Variants in FILIP1 observed in about 807,000 individuals in gnomAD.
The protein encoded by FILIP1 is filamin A interacting protein 1, also known as filamin-A-interacting protein 1.
Under a neutral mutation model 102.1 loss-of-function variants are expected in FILIP1, and 61 were observed. The observed-to-expected ratio is 0.60, with a 90% CI of 0.49 to 0.74. The LOEUF (loss-of-function observed/expected upper bound fraction) is 0.74. FILIP1 is among the 30% of genes least tolerant of loss of function. The pLI is 0.00. For missense variants in FILIP1, 1,314 were observed against 1,441.2 expected, an observed-to-expected ratio of 0.91 and a Z score of 1.43; for synonymous variants, 491 against 526.9, an observed-to-expected ratio of 0.93 and a Z score of 0.93.
chr6:75,382,802 C>G (rs905680258), intron 2 of FILIP1, among the ~76,000 whole-genome samples: 4 of 152,156 alleles, frequency 2.6e-5, no homozygotes, highest in Non-Finnish European at 5.9e-5. Context: ...ACTGAATAGA[C>G]TTTGGGGGAT....
chr6:75,435,518 A>G (rs1374568157), intron 1 of FILIP1, among the ~76,000 whole-genome samples: 1 of 152,246 alleles, frequency 6.6e-6, no homozygotes, highest in African/African-American at 2.4e-5. Context: ...ACTTAAAATC[A>G]GGTTTCCTGG....
chr6:75,481,961 T>G (rs148651673), intron 1 of FILIP1, among the ~76,000 whole-genome samples: 3 of 152,222 alleles, frequency 2.0e-5, no homozygotes, highest in African/African-American at 7.2e-5. Context: ...TCACTAATAC[T>G]ATGTAGAAAA....
At chr6:75,406,674 T>C (rs1776859506) in intron 2 of FILIP1, among the ~76,000 whole-genome samples, 1 of 151,406 alleles carries the variant, frequency 6.6e-6, no homozygotes, top group African/African-American at 2.4e-5. Flanking sequence ...TTTTTTTTTT[T>C]TTTCAGACGG....
intron 4 of FILIP1, among the ~76,000 whole-genome samples, chr6:75,353,177 C>T (rs1175177867): frequency 1.3e-5 from 2 of 151,166 alleles, no homozygotes; most frequent in East Asian, 3.9e-4. Context: ...GCACGTTGTG[C>T]ACATGTACCC....
intron 1 of FILIP1, among the ~76,000 whole-genome samples, chr6:75,488,357 T>C (rs1204044267): frequency 5.9e-5 from 9 of 152,106 alleles, no homozygotes; most frequent in Admixed American, 6.6e-5. Flanking sequence ...GAAATTAAAC[T>C]GCCTCAGCTA....
chr6:75,491,360 G>A (rs941929653), intron 1 of FILIP1, among the ~76,000 whole-genome samples: 4 of 152,174 alleles, frequency 2.6e-5, no homozygotes, highest in Admixed American at 2.6e-4. Flanking sequence ...GAAAAGTTAA[G>A]TAGGTGCCAG....
chr6:75,434,022 G>A (rs1196755198), intron 1 of FILIP1, among the ~76,000 whole-genome samples: 1 of 152,038 alleles, frequency 6.6e-6, no homozygotes, highest in Non-Finnish European at 1.5e-5. Context: ...TATTTCTGAG[G>A]CCTCTGTTCT....
intron 1 of FILIP1, among the ~76,000 whole-genome samples, chr6:75,486,000 C>CAT (rs1274697389): frequency 3.3e-5 from 4 of 119,684 alleles, no homozygotes; most frequent in African/African-American, 8.9e-5. Flanking sequence ...CACACACATA[C>CAT]ACACACACAC....
At chr6:75,442,211 G>A (rs1364702146) in intron 1 of FILIP1, among the ~76,000 whole-genome samples, 4 of 151,932 alleles carry the variant, frequency 2.6e-5, no homozygotes, top group African/African-American at 7.2e-5. Flanking sequence ...CCGGGAAGAG[G>A]CGCTCCTCAC....
At position 75,428,542 on chromosome 6, in the gene FILIP1, C is replaced by G. The variant is rs1777711469; in HGVS notation, c.-6-13564G>C. ...AGACCAAACATGGAGAAAAAATGCT[C>G]TAGGACAAAGTAGGACTAAGTCCAG... is the stretch of plus-strand genomic sequence containing the variant. On this transcript the variant is annotated intron_variant, in intron 1 of 5. Coordinates refer to ENST00000237172, the MANE Select transcript of FILIP1 (RefSeq NM_015687.5). 4 of 154,310 alleles carry G rather than the reference C, an allele frequency of 2.6e-5. No individual in the cohort carries two copies. The South Asian group carries it at 8.1e-4, about 31-fold the overall frequency. The allele number at this position is 154,310 out of a possible 1,614,324, so 9.6% of individuals were successfully genotyped here.
chr6:75,310,287 G>T (rs902257965), intron 5 of FILIP1, among the ~76,000 whole-genome samples: 2 of 152,158 alleles, frequency 1.3e-5, no homozygotes, highest in African/African-American at 4.8e-5. Context: ...TGGCTCCTTT[G>T]TACATACCTC....
intron 2 of FILIP1, among the ~76,000 whole-genome samples, chr6:75,376,861 T>C (rs567177753): frequency 6.6e-6 from 1 of 152,306 alleles, no homozygotes; most frequent in East Asian, 1.9e-4. Flanking sequence ...GTTGATGGGA[T>C]TTAAAGAGGC....
intron 1 of FILIP1, among the ~76,000 whole-genome samples, chr6:75,445,047 G>C (rs1778399680): frequency 1.3e-5 from 2 of 152,148 alleles, no homozygotes; most frequent in Non-Finnish European, 2.9e-5. Flanking sequence ...AGACAAGATA[G>C]AAATAGAGCT....
intron 4 of FILIP1, among the ~76,000 whole-genome samples, chr6:75,341,590 GC>G (rs1298721936): frequency 2.0e-5 from 3 of 151,382 alleles, no homozygotes; most frequent in African/African-American, 7.3e-5. Context: ...TTAAATTTAT[GC>G]CTAGATATTT....
chr6:75,361,391 A>T (rs987040264), intron 3 of FILIP1, among the ~76,000 whole-genome samples: 2 of 152,164 alleles, frequency 1.3e-5, no homozygotes, highest in African/African-American at 2.4e-5. Context: ...CCCAAGCTCT[A>T]GCCTTGGAAG....
At chr6:75,303,752 G>GGAGA (rs137957853), downstream of FILIP1, among the ~76,000 whole-genome samples, 4 of 147,518 alleles carry the variant, frequency 2.7e-5, no homozygotes, top group African/African-American at 5.0e-5. Flanking sequence ...AGAGAAAGAG[G>GGAGA]GAGAGAGAGA....
At position 75,308,515 on chromosome 6, in the gene FILIP1, C is replaced by A; in HGVS notation, c.*176G>T. The A allele has an allele frequency of 7.0e-7, 1 of 1,431,642 alleles. No homozygotes were observed. Among genetic ancestry groups the A allele is most frequent in the Non-Finnish European group, 9.1e-7 (1 of 1,096,574 alleles). 88.7% of individuals were successfully genotyped at this position (1,431,642 alleles called of 1,614,324 possible). ...GCAATAGTTTTGCTAATTTTGTTCC[C>A]CAGCATCAAAACAAATGCACAAAAT... On this transcript the variant is annotated 3_prime_UTR_variant, in exon 6 of 6. Coordinates refer to ENST00000237172, the MANE Select transcript of FILIP1 (RefSeq NM_015687.5).
chr6:75,371,052 G>GA (rs528226607), intron 2 of FILIP1, among the ~76,000 whole-genome samples: 156 of 151,932 alleles, frequency 1.0e-3, no homozygotes, highest in African/African-American at 3.5e-3. Context: ...CAGATTGAAA[G>GA]AAAAAAAGCT....
In FILIP1 at chr6:75,372,797, G is replaced by GGAAAGAAAGAAAGAAAGAAGGAAA. The variant is rs57751671; in HGVS notation, c.277-9881_277-9880insTTTCCTTCTTTCTTTCTTTCTTTC. ...AAGAAAGAAAGAAAGAAAGAAAGAA[G>GGAAAGAAAGAAAGAAAGAAGGAAA]GAAAGAAAGAAAGAAAAGAGTTGGT... On this transcript the variant is annotated intron_variant, in intron 2 of 5. Coordinates refer to ENST00000237172, the MANE Select transcript of FILIP1 (RefSeq NM_015687.5). 2.1e-3 allele frequency among the ~76,000 whole-genome samples: 89 copies of GGAAAGAAAGAAAGAAAGAAGGAAA among 41,496 alleles called. 7 individuals are homozygous for GGAAAGAAAGAAAGAAAGAAGGAAA. The highest frequency in any genetic ancestry group is 0.02 in the East Asian group (35 of 1,750). The allele number at this position is 41,496 out of a possible 152,430, so 27.2% of individuals were successfully genotyped here. A position where few individuals can be genotyped will look rare whatever the true frequency, so the allele number is the denominator to read the frequency against.
Sources: allele counts gnomAD v4.1 joint callset (sites outside exome capture counted in the v4.1 genomes callset), GRCh38; gene constraint gnomAD v4.1.1; transcripts MANE v1.5; gene names NCBI Gene and HGNC (gene_info 2026-07-23, HGNC 2026-07-21).